The following SGCD variants were observed in gnomAD, a reference collection of about 807,000 sequenced individuals.
SGCD encodes the protein sarcoglycan delta, also known as delta-sarcoglycan.
Under a neutral mutation model 36.6 loss-of-function variants are expected in SGCD, and 18 were observed. The ratio of observed to expected loss-of-function variants is 0.49; its 90% CI spans 0.34 to 0.73. The LOEUF (loss-of-function observed/expected upper bound fraction) is 0.73. SGCD is among the 30% of genes least tolerant of loss of function. The pLI, the probability that SGCD is intolerant of heterozygous loss-of-function variation, is 0.01. For synonymous variants in SGCD, 133 were observed against 130.6 expected (o/e 1.02, Z -0.12); for missense variants, 387 against 346.7 (o/e 1.12, Z -0.92).
At chr5:156,626,608 CT>C (rs1211098503) in intron 6 of SGCD, among the ~76,000 whole-genome samples, 6 of 152,168 alleles carry the variant, frequency 3.9e-5, no homozygotes, top group Admixed American at 6.5e-5. Context: ...TGCAGCATAA[CT>C]TTTGCCTTTC....
chr5:156,317,276 A>G (rs1767542525), intron 3 of SGCD, among the ~76,000 whole-genome samples: 1 of 152,174 alleles, frequency 6.6e-6, no homozygotes, highest in Admixed American at 6.5e-5. Flanking sequence ...TATGTATATA[A>G]GAGCCACTTT....
intron 6 of SGCD, among the ~76,000 whole-genome samples, chr5:156,617,257 G>T (rs999125404): frequency 1.2e-4 from 18 of 152,324 alleles, no homozygotes; most frequent in Middle Eastern, 6.8e-3. Context: ...AGAAGCAGGG[G>T]AGAGCGTGCC....
At chr5:156,431,702 ATTGTTTTGTTTT>A (rs1354549187) in intron 3 of SGCD, among the ~76,000 whole-genome samples, 2 of 151,794 alleles carry the variant, frequency 1.3e-5, no homozygotes, top group Non-Finnish European at 2.9e-5. Context: ...GACTGCAATG[ATTGTTTTGTTTT>A]TTGTTTTGTT....
At chr5:156,549,295 A>C (rs2113190062) in intron 4 of SGCD, among the ~76,000 whole-genome samples, 1 of 152,316 alleles carries the variant, frequency 6.6e-6, no homozygotes, top group African/African-American at 2.4e-5. Context: ...TCAGCAAAGC[A>C]GGATGAGCTC....
chr5:156,576,881 A>T (rs553353062), intron 4 of SGCD, among the ~76,000 whole-genome samples: 2 of 152,042 alleles, frequency 1.3e-5, no homozygotes, highest in African/African-American at 4.8e-5. Flanking sequence ...GTTCACTCTG[A>T]TGGTACTTTC....
rs185200787 is a variant in SGCD at position 156,562,488 on chromosome 5, G to A, written c.295-26743G>A. Among the ~76,000 whole-genome samples, 690 of 152,286 alleles carry A rather than the reference G, an allele frequency of 4.5e-3. 4 individuals carry two copies. The highest frequency in any genetic ancestry group is 0.014 in the African/African-American group (574 of 41,562). ...GTGACTGAAGTGGAATGACCCAGGG[G>A]ACTGCAGCAAGAGATAGTCAGGCAG... On this transcript the variant is annotated intron_variant, in intron 4 of 8. Coordinates refer to ENST00000337851, the MANE Select transcript of SGCD (RefSeq NM_000337.6).
At chr5:156,100,299 A>G (rs974189382) in intron 1 of SGCD, among the ~76,000 whole-genome samples, 11 of 149,926 alleles carry the variant, frequency 7.3e-5, no homozygotes, top group African/African-American at 2.7e-4. Context: ...CAAGCAAACA[A>G]AAAAAAAAAC....
intron 4 of SGCD, among the ~76,000 whole-genome samples, chr5:156,509,913 G>C (rs931632406): frequency 7.9e-5 from 12 of 152,144 alleles, no homozygotes; most frequent in Admixed American, 1.3e-4. Flanking sequence ...CATTTGCTCT[G>C]CCTTGGATTG....
At chr5:156,592,226 G>T (rs1263474842) in intron 5 of SGCD, among the ~76,000 whole-genome samples, 2 of 152,022 alleles carry the variant, frequency 1.3e-5, no homozygotes, top group African/African-American at 4.8e-5. Context: ...TTATACAACT[G>T]CTTTTTTATA....
chr5:156,448,466 C>G (rs899035807), intron 3 of SGCD, among the ~76,000 whole-genome samples: 1 of 152,134 alleles, frequency 6.6e-6, no homozygotes, highest in Non-Finnish European at 1.5e-5. Flanking sequence ...TGGTATAACA[C>G]TAGGCAGCAG....
At chr5:156,617,209 C>T (rs1038814756) in intron 6 of SGCD, among the ~76,000 whole-genome samples, 3 of 152,124 alleles carry the variant, frequency 2.0e-5, no homozygotes, top group Admixed American at 6.6e-5. Flanking sequence ...ATTTTGAATA[C>T]TGAAATGTCT....
chr5:156,516,243 A>G (rs1295888020), intron 4 of SGCD, among the ~76,000 whole-genome samples: 2 of 152,104 alleles, frequency 1.3e-5, no homozygotes, highest in African/African-American at 2.4e-5. Flanking sequence ...CACACCCCCA[A>G]TAGGGGTTGC....
At chr5:156,727,818 A>G (rs930173562) in intron 7 of SGCD, among the ~76,000 whole-genome samples, 5 of 152,310 alleles carry the variant, frequency 3.3e-5, no homozygotes, top group African/African-American at 1.2e-4. Flanking sequence ...TCCCTTGATA[A>G]ATCACCTTCC....
At chr5:155,874,172 A>G (rs1031693038) in intron 1 of SGCD, among the ~76,000 whole-genome samples, 3 of 152,158 alleles carry the variant, frequency 2.0e-5, no homozygotes, top group African/African-American at 7.2e-5. Context: ...CCTATTAAAA[A>G]AATGAAGATC....
At chr5:156,584,877 C>T (rs1462607495) in intron 4 of SGCD, among the ~76,000 whole-genome samples, 1 of 152,102 alleles carries the variant, frequency 6.6e-6, no homozygotes, top group Non-Finnish European at 1.5e-5. Flanking sequence ...CTTTTGTTGA[C>T]AACTCTCACT....
chr5:155,920,057 G>A (rs1188652036), intron 1 of SGCD, among the ~76,000 whole-genome samples: 1 of 152,104 alleles, frequency 6.6e-6, no homozygotes, highest in Non-Finnish European at 1.5e-5. Flanking sequence ...CCCTAGATGC[G>A]ATTATTCTTG....
intron 3 of SGCD, among the ~76,000 whole-genome samples, chr5:156,158,435 T>C (rs973224717): frequency 2.0e-5 from 3 of 151,524 alleles, no homozygotes; most frequent in African/African-American, 7.3e-5. Flanking sequence ...TTTAAAGCAA[T>C]CTTGGAGAGT....
intron 3 of SGCD, among the ~76,000 whole-genome samples, chr5:156,436,536 G>A (rs187095489): frequency 1.3e-5 from 2 of 152,226 alleles, no homozygotes; most frequent in African/African-American, 4.8e-5. Context: ...AGCTAAAAGG[G>A]CCCTTGAAGA....
At chr5:156,119,761 G>A (rs1457989841) in intron 2 of SGCD, among the ~76,000 whole-genome samples, 1 of 152,040 alleles carries the variant, frequency 6.6e-6, no homozygotes. Context: ...CTGTCTTGGT[G>A]CCAGGGTATC....
Sources: allele counts gnomAD v4.1 joint callset (sites outside exome capture counted in the v4.1 genomes callset), GRCh38; gene constraint gnomAD v4.1.1; transcripts MANE v1.5; gene names NCBI Gene and HGNC (gene_info 2026-07-23, HGNC 2026-07-21).